AGBL4: variants seen among roughly 807,000 people sequenced by gnomAD.
AGBL4 encodes AGBL carboxypeptidase 4, also known as cytosolic carboxypeptidase 6.
In AGBL4, 58 loss-of-function variants were observed where a neutral mutation model predicts 66.4. The observed-to-expected ratio is 0.87, with a 90% CI of 0.71 to 1.09. The LOEUF (loss-of-function observed/expected upper bound fraction) is 1.09. Ranked by LOEUF, AGBL4 falls within the 50% of genes least tolerant of loss-of-function variation. The pLI is 0.00. For synonymous variants in AGBL4, 234 were observed against 222.9 expected (o/e 1.05, Z -0.44); for missense variants, 579 against 631.0 (o/e 0.92, Z 0.88).
At chr1:49,537,308 T>TA (rs943134248) in intron 3 of AGBL4, among the ~76,000 whole-genome samples, 3 of 151,952 alleles carry the variant, frequency 2.0e-5, no homozygotes, top group Non-Finnish European at 2.9e-5. Context: ...TTAACTAAAC[T>TA]AAAAAAACTT....
chr1:49,081,768 T>C (rs1644812920), intron 4 of AGBL4, among the ~76,000 whole-genome samples: 1 of 152,060 alleles, frequency 6.6e-6, no homozygotes, highest in Non-Finnish European at 1.5e-5. Context: ...AAGCCAAAGT[T>C]TTTTTATACC....
intron 2 of AGBL4, among the ~76,000 whole-genome samples, chr1:49,700,368 G>C (rs948754599): frequency 6.6e-6 from 1 of 151,146 alleles, no homozygotes; most frequent in Non-Finnish European, 1.5e-5. Context: ...AAGTATGTAA[G>C]TAAAATTTGA....
chr1:48,978,041 A>G (rs1183874273), intron 5 of AGBL4, among the ~76,000 whole-genome samples: 2 of 152,216 alleles, frequency 1.3e-5, no homozygotes, highest in African/African-American at 2.4e-5. Context: ...AAACAGATAC[A>G]GTGGCCATTG....
intron 3 of AGBL4, among the ~76,000 whole-genome samples, chr1:49,584,662 C>T (rs528315232): frequency 6.6e-6 from 1 of 152,014 alleles, no homozygotes; most frequent in Non-Finnish European, 1.5e-5. Context: ...TTTAAGAAAC[C>T]GAAAACAATA....
chr1:48,544,185 A>G (rs978294556), intron 11 of AGBL4, among the ~76,000 whole-genome samples: 2 of 152,206 alleles, frequency 1.3e-5, no homozygotes, highest in African/African-American at 4.8e-5. Flanking sequence ...TCTTGTTTAA[A>G]AAGTTCACAA....
chr1:49,576,358 G>A (rs2148877426), intron 3 of AGBL4, among the ~76,000 whole-genome samples: 1 of 152,294 alleles, frequency 6.6e-6, no homozygotes, highest in South Asian at 2.1e-4. Context: ...CAGATCCAAT[G>A]GTGCTTGAGG....
At chr1:49,575,856 T>C (rs1644425443) in intron 3 of AGBL4, among the ~76,000 whole-genome samples, 1 of 152,174 alleles carries the variant, frequency 6.6e-6, no homozygotes, top group African/African-American at 2.4e-5. Context: ...CTCTCCAGCT[T>C]TGTGTCATAA....
chr1:48,769,610 G>A (rs907621206), intron 6 of AGBL4, among the ~76,000 whole-genome samples: 1 of 149,634 alleles, frequency 6.7e-6, no homozygotes, highest in African/African-American at 2.5e-5. Context: ...CCAAGTGCTC[G>A]TTCCTCTAAG....
chr1:49,375,744 A>T (rs1205938426), intron 3 of AGBL4, among the ~76,000 whole-genome samples: 1 of 152,120 alleles, frequency 6.6e-6, no homozygotes, highest in East Asian at 1.9e-4. Context: ...GAAGAAAGGT[A>T]GCTTCAAGGC....
chr1:49,865,714 C>T (rs1471134895), intron 1 of AGBL4, among the ~76,000 whole-genome samples: 2 of 152,152 alleles, frequency 1.3e-5, no homozygotes, highest in Non-Finnish European at 2.9e-5. Flanking sequence ...CAAATGATTG[C>T]AACATCTCTC....
rs569260699 is a variant in AGBL4, at chr1:49,132,603, C to T, written c.378-86803G>A. Among the ~76,000 whole-genome samples the T allele has an allele frequency of 8.5e-5, 13 of 152,186 alleles. No homozygotes were observed. The Middle Eastern group carries it at 0.01, about 119-fold the overall frequency. ...GAAGACACCAAAAGATTTTATATGG[C>T]AAATGTTTTTTGCCTTCATGATACA... On this transcript the variant is annotated intron_variant, in intron 4 of 13. Transcript: ENST00000371839.
intron 1 of AGBL4, among the ~76,000 whole-genome samples, chr1:49,970,692 A>G (rs1348452387): frequency 1.4e-5 from 2 of 146,226 alleles, no homozygotes; most frequent in African/African-American, 2.6e-5. Flanking sequence ...CACGACTCCG[A>G]CTCAAAAAAA....
chr1:48,726,884 T>G (rs1434123053), intron 6 of AGBL4, among the ~76,000 whole-genome samples: 1 of 152,152 alleles, frequency 6.6e-6, no homozygotes, highest in Non-Finnish European at 1.5e-5. Context: ...TTTTGTGAAA[T>G]AGAAAATGGA....
intron 3 of AGBL4, among the ~76,000 whole-genome samples, chr1:49,340,012 C>G (rs1055076280): frequency 1.3e-5 from 2 of 152,114 alleles, no homozygotes; most frequent in African/African-American, 2.4e-5. Context: ...TTCCAAGTGA[C>G]CAGGTACTAG....
At chr1:49,101,694 T>C (rs1222955052) in intron 4 of AGBL4, among the ~76,000 whole-genome samples, 1 of 152,156 alleles carries the variant, frequency 6.6e-6, no homozygotes, top group Non-Finnish European at 1.5e-5. Flanking sequence ...GATTTGTGTC[T>C]GTGTTTGAGG....
chr1:48,647,649 T>A (rs778003486), intron 8 of AGBL4: 1 of 438,838 alleles, frequency 2.3e-6, no homozygotes, highest in Non-Finnish European at 4.5e-6. Context: ...CATATTGTTG[T>A]ACGGAGATGG....
chr1:48,533,243 C>T lies in AGBL4; in HGVS notation c.*930G>A, dbSNP rs1368857241. 1.3e-5 allele frequency: 2 copies of T among 152,138 alleles called. No individual in the cohort carries two copies. Among genetic ancestry groups the T allele is most frequent in the Non-Finnish European group, 2.9e-5 (2 of 68,030 alleles). 9.4% of individuals were successfully genotyped at this position (152,138 alleles called of 1,614,324 possible). ...AGCAGACCCCCCTGGACCCATTCAT[C>T]ATACAAAGGCACTTTACTCTTCACA... On this transcript the variant is annotated 3_prime_UTR_variant, in exon 14 of 14. Coordinates refer to ENST00000371839, the MANE Select transcript of AGBL4 (RefSeq NM_032785.4).
At chr1:49,282,738 A>C (rs960784030) in intron 3 of AGBL4, among the ~76,000 whole-genome samples, 5 of 152,184 alleles carry the variant, frequency 3.3e-5, no homozygotes, top group Non-Finnish European at 7.3e-5. Flanking sequence ...AGTTCCCTTT[A>C]CGAGTCAAAG....
chr1:49,882,803 G>A (rs1647539650), intron 1 of AGBL4, among the ~76,000 whole-genome samples: 1 of 152,104 alleles, frequency 6.6e-6, no homozygotes, highest in South Asian at 2.1e-4. Flanking sequence ...ATCAATGTAA[G>A]CAGTTTGCAT....
Sources: allele counts gnomAD v4.1 joint callset (sites outside exome capture counted in the v4.1 genomes callset), GRCh38; gene constraint gnomAD v4.1.1; transcripts MANE v1.5; gene names NCBI Gene and HGNC (gene_info 2026-07-23, HGNC 2026-07-21).